ADAM12: variants seen among roughly 807,000 people sequenced by gnomAD.
The protein encoded by ADAM12 is disintegrin and metalloproteinase domain-containing protein 12.
In ADAM12, 70 loss-of-function variants were observed where a neutral mutation model predicts 106.4. The observed-to-expected ratio is 0.66, with a 90% CI of 0.54 to 0.80. ADAM12 has a LOEUF of 0.80. ADAM12 is among the 30% of genes least tolerant of loss of function. The probability of loss-of-function intolerance (pLI) is 0.00; values close to 1 mark genes in which losing one functional copy is unlikely to be tolerated. For synonymous variants in ADAM12, 420 were observed against 433.5 expected (o/e 0.97, Z 0.39); for missense variants, 1,010 against 1,171.9 (o/e 0.86, Z 2.02).
chr10:126,193,079 C>T (rs553915372), intron 3 of ADAM12, among the ~76,000 whole-genome samples: 2 of 152,092 alleles, frequency 1.3e-5, no homozygotes, highest in South Asian at 4.2e-4. Context: ...TCCTGGCTAA[C>T]ATGGTGAAAC....
chr10:126,213,182 A>G (rs1200395401), intron 3 of ADAM12, among the ~76,000 whole-genome samples: 1 of 152,216 alleles, frequency 6.6e-6, no homozygotes, highest in East Asian at 1.9e-4. Flanking sequence ...TAGCTCCAAG[A>G]TCTACTAAAT....
intron 5 of ADAM12, among the ~76,000 whole-genome samples, chr10:126,118,522 C>T (rs562501447): frequency 6.6e-6 from 1 of 152,038 alleles, no homozygotes; most frequent in Non-Finnish European, 1.5e-5. Flanking sequence ...GATATATTGC[C>T]GGGAAGAAGA....
At chr10:126,058,422 T>G (rs909372873) in intron 14 of ADAM12, among the ~76,000 whole-genome samples, 2 of 152,254 alleles carry the variant, frequency 1.3e-5, no homozygotes, top group African/African-American at 4.8e-5. Flanking sequence ...TCTCTGGATT[T>G]CCACTTATTC....
intron 3 of ADAM12, among the ~76,000 whole-genome samples, chr10:126,189,086 A>G (rs1716267447): frequency 6.6e-6 from 1 of 152,168 alleles, no homozygotes; most frequent in African/African-American, 2.4e-5. Flanking sequence ...TAGAGTAGGG[A>G]GACAAATGCA....
chr10:126,294,918 G>A (rs373987709), intron 2 of ADAM12, among the ~76,000 whole-genome samples: 3 of 125,300 alleles, frequency 2.4e-5, no homozygotes, highest in Non-Finnish European at 5.4e-5. Flanking sequence ...GTGTGTGTAT[G>A]TGTGTGTGTG....
chr10:126,086,917 C>T (rs964209687), intron 11 of ADAM12, among the ~76,000 whole-genome samples: 3 of 151,198 alleles, frequency 2.0e-5, no homozygotes, highest in Admixed American at 1.3e-4. Flanking sequence ...CCTGTAATCC[C>T]AGCAACTCGG....
At chr10:126,048,293 G>T (rs1023409229) in intron 16 of ADAM12, among the ~76,000 whole-genome samples, 3 of 152,094 alleles carry the variant, frequency 2.0e-5, no homozygotes, top group African/African-American at 7.2e-5. Flanking sequence ...GAACCTAAAA[G>T]TTAAAAGACA....
At chr10:126,316,178 A>G (rs1290032090) in intron 2 of ADAM12, among the ~76,000 whole-genome samples, 1 of 152,202 alleles carries the variant, frequency 6.6e-6, no homozygotes, top group Non-Finnish European at 1.5e-5. Context: ...GTTCTGTTTG[A>G]GCAAGTTGCA....
intron 1 of ADAM12, among the ~76,000 whole-genome samples, chr10:126,360,897 G>A (rs1855720106): frequency 6.6e-6 from 1 of 152,186 alleles, no homozygotes. Flanking sequence ...GGTTTAATTT[G>A]GACTTACAGT....
At chr10:126,375,731 T>C (rs1404299567) in intron 1 of ADAM12, among the ~76,000 whole-genome samples, 3 of 139,060 alleles carry the variant, frequency 2.2e-5, no homozygotes, top group South Asian at 2.3e-4. Flanking sequence ...TAGCAATCAC[T>C]TCTTCTTCTT....
intron 2 of ADAM12, among the ~76,000 whole-genome samples, chr10:126,301,929 A>G: frequency 6.6e-6 from 1 of 152,178 alleles, no homozygotes; most frequent in Admixed American, 6.5e-5. Context: ...TAATCTTTTC[A>G]AATTCATGGA....
intron 3 of ADAM12, among the ~76,000 whole-genome samples, chr10:126,192,132 G>A (rs7895995): frequency 6.6e-6 from 1 of 151,968 alleles, no homozygotes; most frequent in South Asian, 2.1e-4. Flanking sequence ...ATAAGATTTG[G>A]GTGGGGACAC....
At chr10:126,074,321 C>T (rs1240536610) in intron 11 of ADAM12, among the ~76,000 whole-genome samples, 5 of 152,114 alleles carry the variant, frequency 3.3e-5, no homozygotes, top group East Asian at 1.9e-4. Flanking sequence ...AGAGAACGTC[C>T]GTAGACCCCA....
At chr10:126,148,615 A>G (rs1188428042) in intron 4 of ADAM12, among the ~76,000 whole-genome samples, 1 of 152,224 alleles carries the variant, frequency 6.6e-6, no homozygotes, top group African/African-American at 2.4e-5. Context: ...TAATTATAAA[A>G]GCAACATGTG....
At chr10:126,028,772 C>CA (rs1953923496) in intron 21 of ADAM12, among the ~76,000 whole-genome samples, 1 of 151,812 alleles carries the variant, frequency 6.6e-6, no homozygotes. Flanking sequence ...ACATCAAGAG[C>CA]AAAAATTGAC....
chr10:126,276,973 C>A (rs910678215), intron 3 of ADAM12, among the ~76,000 whole-genome samples: 1 of 152,128 alleles, frequency 6.6e-6, no homozygotes, highest in Non-Finnish European at 1.5e-5. Flanking sequence ...CAAACTCAGA[C>A]AACCAGACGG....
chr10:126,058,915 C>T (rs1954691685), intron 14 of ADAM12, among the ~76,000 whole-genome samples: 1 of 152,208 alleles, frequency 6.6e-6, no homozygotes, highest in Non-Finnish European at 1.5e-5. Context: ...GATTTCACAT[C>T]TCTTAGAAAG....
At chr10:126,337,079 GGA>G (rs1223024652) in intron 1 of ADAM12, among the ~76,000 whole-genome samples, 1 of 152,122 alleles carries the variant, frequency 6.6e-6, no homozygotes, top group Non-Finnish European at 1.5e-5. Context: ...TATAAAACAG[GGA>G]GTTTATTAGG....
At chr10:126,295,180 T>G (rs543740004) in intron 2 of ADAM12, among the ~76,000 whole-genome samples, 1 of 152,036 alleles carries the variant, frequency 6.6e-6, no homozygotes, top group African/African-American at 2.4e-5. Flanking sequence ...CCCCAAAAAA[T>G]AGAATCACAT....
Sources: gnomAD v4.1 joint callset for allele counts (sites outside exome capture counted in the v4.1 genomes callset) on GRCh38, gnomAD v4.1.1 for gene constraint, MANE v1.5 for transcripts, NCBI Gene and HGNC (gene_info 2026-07-23, HGNC 2026-07-21) for gene names.